MYCBP2: variants seen among roughly 807,000 people sequenced by gnomAD.
The protein encoded by MYCBP2 is MYC binding protein 2.
Under a neutral mutation model 525.3 loss-of-function variants are expected in MYCBP2, and 120 were observed. That is an observed-to-expected ratio of 0.23 (90% CI 0.20 to 0.27). The LOEUF is 0.27. MYCBP2 is among the 10% of genes least tolerant of loss of function. The probability of loss-of-function intolerance (pLI) is 1.00; values close to 1 mark genes in which losing one functional copy is unlikely to be tolerated. For missense variants in MYCBP2, 4,149 were observed against 5,657.1 expected, an observed-to-expected ratio of 0.73 and a Z score of 8.55; for synonymous variants, 1,894 against 1,955.8, an observed-to-expected ratio of 0.97 and a Z score of 0.83.
intron 26 of MYCBP2, among the ~76,000 whole-genome samples, chr13:77,195,403 C>A (rs1165111935): frequency 6.6e-6 from 1 of 152,112 alleles, no homozygotes; most frequent in African/African-American, 2.4e-5. Context: ...TTGACACCAG[C>A]CTGGTCAACA....
chr13:77,262,095 A>G lies in MYCBP2; in HGVS notation c.1605T>C (p.Gly535=). Residue 535 remains glycine (G), a synonymous_variant, in exon 11 of 83, where the codon GGT becomes GGC. Coordinates refer to ENST00000544440, the MANE Select transcript of MYCBP2 (RefSeq NM_015057.5). The part of the protein sequence containing the change: ...TGFDEESAIL[G]AGREFALMKT... ...TCATTAGCGCAAACTCTCGTCCTGC[A>G]CCAAGAATTGCTGACTCCTCATCAA... 1 of 1,611,934 alleles carries G rather than the reference A, an allele frequency of 6.2e-7. No individual in the cohort carries two copies. The highest frequency in any genetic ancestry group is 8.5e-7 in the Non-Finnish European group (1 of 1,178,680).
chr13:77,056,738 C>T (rs933967687), intron 79 of MYCBP2, among the ~76,000 whole-genome samples: 42 of 152,160 alleles, frequency 2.8e-4, no homozygotes, highest in African/African-American at 9.2e-4. Context: ...TAATGCATCA[C>T]GATGTTTAAA....
chr13:77,215,114 T>A (rs1442830000), intron 21 of MYCBP2, among the ~76,000 whole-genome samples: 1 of 152,188 alleles, frequency 6.6e-6, no homozygotes, highest in Non-Finnish European at 1.5e-5. Context: ...GTGACACCTC[T>A]TGAGTATACA....
At chr13:77,061,822 T>G in intron 74 of MYCBP2, 32 bp from the exon 75 acceptor site, 1 of 1,537,732 alleles carries the variant, frequency 6.5e-7, no homozygotes, top group Non-Finnish European at 8.8e-7. Context: ...TTACTTAGAT[T>G]AACAAGCAAG....
intron 36 of MYCBP2, among the ~76,000 whole-genome samples, chr13:77,174,945 T>A (rs796532578): frequency 0.055 from 433 of 7,904 alleles, 16 homozygotes; most frequent in African/African-American, 0.091. Flanking sequence ...TATATATATT[T>A]TATATATTAT....
At chr13:77,213,994 T>G (rs991481912) in intron 21 of MYCBP2, among the ~76,000 whole-genome samples, 30 of 152,186 alleles carry the variant, frequency 2.0e-4, no homozygotes, top group African/African-American at 7.2e-4. Context: ...CAGAGGCGTG[T>G]GAAGAAGTTA....
At position 77,054,676 on chromosome 13, in the gene MYCBP2, T is replaced by C. The variant is rs12873039; in HGVS notation, c.13647+882A>G. Among the ~76,000 whole-genome samples the C allele has an allele frequency of 9.2e-3, 1,391 of 151,586 alleles. 10 individuals are homozygous for C. Among genetic ancestry groups the C allele is most frequent in the Non-Finnish European group, 0.013 (863 of 67,870 alleles). ...ACTGCAGTGGCACAAACACAGCTCA[T>C]TGCAGCCTCAACCCCCTGGACTCAA... On this transcript the variant is annotated intron_variant, in intron 80 of 82. Coordinates refer to ENST00000544440, the MANE Select transcript of MYCBP2 (RefSeq NM_015057.5).
intron 18 of MYCBP2, among the ~76,000 whole-genome samples, chr13:77,228,298 G>C (rs940411415): frequency 6.6e-6 from 1 of 152,016 alleles, no homozygotes; most frequent in Non-Finnish European, 1.5e-5. Context: ...TTGAGCCTAG[G>C]AGCTCAAGAC....
chr13:77,182,476 T>C (rs989456889), intron 32 of MYCBP2, among the ~76,000 whole-genome samples: 4 of 152,238 alleles, frequency 2.6e-5, no homozygotes, highest in African/African-American at 9.6e-5. Flanking sequence ...CAAAATTGTG[T>C]ACACATTACC....
intron 1 of MYCBP2, among the ~76,000 whole-genome samples, chr13:77,316,825 G>A (rs17067437): frequency 0.011 from 1,615 of 145,616 alleles, 27 homozygotes; most frequent in African/African-American, 0.037. Context: ...GGACAAGGAA[G>A]TACCAAGAGA....
intron 3 of MYCBP2, among the ~76,000 whole-genome samples, chr13:77,283,168 C>T (rs576932607): frequency 6.6e-6 from 1 of 152,238 alleles, no homozygotes; most frequent in South Asian, 2.1e-4. Context: ...TGCAATCATG[C>T]AAGTCTGATG....
intron 1 of MYCBP2, among the ~76,000 whole-genome samples, chr13:77,312,310 T>A (rs1276538824): frequency 6.6e-6 from 1 of 152,010 alleles, no homozygotes; most frequent in Non-Finnish European, 1.5e-5. Flanking sequence ...ACAATAAATA[T>A]ATAGGAAAAC....
chr13:77,209,458 C>T (rs746791559), intron 23 of MYCBP2, among the ~76,000 whole-genome samples: 2 of 152,204 alleles, frequency 1.3e-5, no homozygotes, highest in Non-Finnish European at 2.9e-5. Context: ...TCAATTTACA[C>T]CTAAGTCCAA....
In MYCBP2 at chr13:77,326,815, G is replaced by T. The variant is rs769499644; in HGVS notation, c.-40C>A. 20 of 1,386,030 alleles carry T rather than the reference G, an allele frequency of 1.4e-5. No individual in the cohort carries two copies. In the South Asian group the frequency reaches 3.2e-4, roughly 22 times the overall value. The allele number at this position is 1,386,030 out of a possible 1,614,324, so 85.9% of individuals were successfully genotyped here. ...CCGCCGCCGCCGCCTCGTCCCCGCGGGCCGGGCGGGCAGACACGCGCGCGC... is the reference window on the plus strand; with the variant it reads ...CCGCCGCCGCCGCCTCGTCCCCGCGTGCCGGGCGGGCAGACACGCGCGCGC... On this transcript the variant is annotated 5_prime_UTR_variant, in exon 1 of 83. Coordinates refer to ENST00000544440, the MANE Select transcript of MYCBP2 (RefSeq NM_015057.5). This position sits in a 1 kb window ranked among gnomAD's most constrained non-coding sequence, Gnocchi z 4.2.
At chr13:77,248,129 C>T (rs1393818032) in intron 15 of MYCBP2, among the ~76,000 whole-genome samples, 2 of 100,860 alleles carry the variant, frequency 2.0e-5, no homozygotes, top group South Asian at 7.9e-4. Context: ...TACCCTAAAA[C>T]TTAAAGTATA....
chr13:77,189,776 GTTA>G (rs1486387123), intron 29 of MYCBP2, among the ~76,000 whole-genome samples: 1 of 152,068 alleles, frequency 6.6e-6, no homozygotes, highest in African/African-American at 2.4e-5. Flanking sequence ...ATATGAGCAA[GTTA>G]TTATTTGGTA....
chr13:77,241,591 C>T (rs1237712047), intron 17 of MYCBP2, among the ~76,000 whole-genome samples: 1 of 152,048 alleles, frequency 6.6e-6, no homozygotes, highest in African/African-American at 2.4e-5. Context: ...ATGCAATTTT[C>T]CCATATACTT....
intron 26 of MYCBP2, among the ~76,000 whole-genome samples, chr13:77,195,035 T>A (rs984578470): frequency 1.3e-5 from 2 of 148,534 alleles, no homozygotes; most frequent in Non-Finnish European, 3.0e-5. Context: ...TTTTTTTTTT[T>A]AAGAAAACCT....
rs200163933 is a variant in MYCBP2, at chr13:77,204,825, A to G, written c.3843+431T>C. ...AAAAAACCAAACACCGCATATTCTCACTCATAGGTGGGAATTGAACAATGA... is the reference window on the plus strand; with the variant it reads ...AAAAAACCAAACACCGCATATTCTCGCTCATAGGTGGGAATTGAACAATGA... On this transcript the variant is annotated intron_variant, in intron 26 of 82. Transcript: ENST00000544440. Among the ~76,000 whole-genome samples, 844 of 135,016 alleles carry G rather than the reference A, an allele frequency of 6.3e-3. 38 individuals carry two copies. The East Asian group carries it at 0.12, about 19-fold the overall frequency. The allele number at this position is 135,016 out of a possible 152,430, so 88.6% of individuals were successfully genotyped here.
Sources: allele counts gnomAD v4.1 joint callset (sites outside exome capture counted in the v4.1 genomes callset), GRCh38; gene constraint gnomAD v4.1.1; non-coding constraint Gnocchi (gnomAD v3.1); transcripts MANE v1.5; gene names NCBI Gene and HGNC (gene_info 2026-07-23, HGNC 2026-07-21).